Variants in CDH23 observed in about 807,000 individuals in gnomAD.
CDH23 encodes the protein cadherin related 23.
CDH23 carries 189 observed loss-of-function variants against 317.1 expected under a neutral mutation model. The ratio of observed to expected loss-of-function variants is 0.60; its 90% CI spans 0.53 to 0.67. CDH23 has a LOEUF of 0.67. CDH23 is among the 30% of genes least tolerant of loss of function. The pLI is 0.00. For synonymous variants in CDH23, 1,839 were observed against 1,876.8 expected, an observed-to-expected ratio of 0.98 and a Z score of 0.52; for missense variants, 4,401 against 4,592.4, an observed-to-expected ratio of 0.96 and a Z score of 1.20.
intron 8 of CDH23, among the ~76,000 whole-genome samples, chr10:71,571,248 C>G (rs1857784775): frequency 6.6e-6 from 1 of 152,236 alleles, no homozygotes; most frequent in South Asian, 2.1e-4. Flanking sequence ...AGAATGGACT[C>G]AGTCTGGCTC....
chr10:71,679,571 A>G lies in CDH23; in HGVS notation c.1858+79A>G, dbSNP rs3802716. The stretch of plus-strand genomic sequence containing the variant: ...CTGCACTCACACCTCCCTTGTGGGG[A>G]TGAGGCGGGCACTCCTTGTCTCCCT... On this transcript the variant is annotated intron_variant, in intron 17 of 69. Transcript: ENST00000224721. 0.051 allele frequency: 57,659 copies of G among 1,138,140 alleles called. 4,274 individuals are homozygous for G. Among genetic ancestry groups the G allele is most frequent in the East Asian group, 0.23 (9,056 of 38,908 alleles). 70.5% of individuals were successfully genotyped at this position (1,138,140 alleles called of 1,614,324 possible). A position where few individuals can be genotyped will look rare whatever the true frequency, so the allele number is the denominator to read the frequency against.
intron 6 of CDH23, among the ~76,000 whole-genome samples, chr10:71,551,196 C>T (rs1398007969): frequency 6.6e-6 from 1 of 152,204 alleles, no homozygotes; most frequent in East Asian, 1.9e-4. Context: ...AAAGTGTCGC[C>T]CAATTAATAT....
At chr10:71,611,780 T>C (rs113556849) in intron 9 of CDH23, among the ~76,000 whole-genome samples, 23 of 152,352 alleles carry the variant, frequency 1.5e-4, no homozygotes, top group Admixed American at 2.0e-4. Flanking sequence ...AGCGAGTACT[T>C]ACACTTTCAA....
chr10:71,407,586 A>C (rs1848152700), intron 1 of CDH23, among the ~76,000 whole-genome samples: 1 of 152,190 alleles, frequency 6.6e-6, no homozygotes, highest in Non-Finnish European at 1.5e-5. Context: ...TCTATAATTT[A>C]ACCCCAACCC....
intron 1 of CDH23, among the ~76,000 whole-genome samples, chr10:71,408,672 C>G (rs1226835154): frequency 1.3e-5 from 2 of 152,186 alleles, no homozygotes; most frequent in Non-Finnish European, 2.9e-5. Flanking sequence ...AACTGGAGCT[C>G]AGGCCGGAAG....
intron 3 of CDH23, among the ~76,000 whole-genome samples, chr10:71,483,859 C>G (rs541165324): frequency 6.6e-6 from 1 of 152,278 alleles, no homozygotes; most frequent in East Asian, 1.9e-4. Context: ...TCTGTGTTCA[C>G]TCTCCCCCCA....
intron 3 of CDH23, among the ~76,000 whole-genome samples, chr10:71,485,109 C>T (rs559435943): frequency 6.7e-6 from 1 of 149,990 alleles, no homozygotes; most frequent in Non-Finnish European, 1.5e-5. Flanking sequence ...TTACGGCAAC[C>T]TCCGCCTCCC....
intron 38 of CDH23, among the ~76,000 whole-genome samples, chr10:71,745,514 C>T (rs963582586): frequency 1.3e-5 from 2 of 152,146 alleles, no homozygotes; most frequent in African/African-American, 4.8e-5. Context: ...CAAGACCCCC[C>T]CTCTACTGCC....
intron 12 of CDH23, 52 bp from the exon 13 acceptor site, chr10:71,645,779 G>A: frequency 6.3e-7 from 1 of 1,599,766 alleles, no homozygotes; most frequent in African/African-American, 1.3e-5. Context: ...TTGGGTCTAG[G>A]CTTTGGCCAC....
In CDH23 at chr10:71,460,671, C is replaced by A. The variant is rs541722197; in HGVS notation, c.145+14276C>A. ...TCCGACAGGGCCCAGACACCCTGCTCGCCCCATCCATGAGCCAAGAATCAG... is the reference window on the plus strand; with the variant it reads ...TCCGACAGGGCCCAGACACCCTGCTAGCCCCATCCATGAGCCAAGAATCAG... On this transcript the variant is annotated intron_variant, in intron 3 of 69. Transcript: ENST00000224721. Among the ~76,000 whole-genome samples the A allele has an allele frequency of 3.3e-5, 5 of 152,324 alleles. No individual in the cohort carries two copies. In the East Asian group the frequency reaches 9.7e-4, roughly 29 times the overall value.
intron 6 of CDH23, among the ~76,000 whole-genome samples, chr10:71,551,386 A>C (rs1193809771): frequency 2.0e-5 from 3 of 152,144 alleles, no homozygotes; most frequent in Non-Finnish European, 4.4e-5. Flanking sequence ...CCCCGGGGCC[A>C]GGAGGAGAAG....
chr10:71,754,172 C>A (rs74756563), intron 38 of CDH23, among the ~76,000 whole-genome samples: 1,759 of 152,242 alleles, frequency 0.012, 33 homozygotes, highest in African/African-American at 0.04. Flanking sequence ...CAGCGTTGCT[C>A]TTCTGTTCCA....
intron 11 of CDH23, among the ~76,000 whole-genome samples, chr10:71,642,003 T>C (rs998917817): frequency 1.3e-5 from 2 of 152,070 alleles, no homozygotes; most frequent in Non-Finnish European, 2.9e-5. Flanking sequence ...GCCTGAGGTG[T>C]GAGAATCGCT....
intron 3 of CDH23, among the ~76,000 whole-genome samples, chr10:71,509,286 G>C (rs112493242): frequency 1.3e-5 from 2 of 152,218 alleles, no homozygotes; most frequent in African/African-American, 4.8e-5. Flanking sequence ...TTCTGAATTA[G>C]AGAAGGTGCT....
At chr10:71,715,675 G>A (rs746079595) in intron 28 of CDH23, 14 of 343,056 alleles carry the variant, frequency 4.1e-5, no homozygotes, top group Non-Finnish European at 6.9e-5. Flanking sequence ...CAAAGGCCCA[G>A]ATGACCACGA....
chr10:71,593,423 G>A (rs1167842104), intron 9 of CDH23, among the ~76,000 whole-genome samples: 1 of 152,190 alleles, frequency 6.6e-6, no homozygotes, highest in Non-Finnish European at 1.5e-5. Flanking sequence ...TAGTAGGAAA[G>A]GACTTCTCGG....
intron 6 of CDH23, among the ~76,000 whole-genome samples, chr10:71,540,617 G>T (rs1266139541): frequency 1.3e-5 from 2 of 152,066 alleles, no homozygotes; most frequent in African/African-American, 4.8e-5. Flanking sequence ...GGAAAAGAAG[G>T]CTCTGAGATG....
intron 3 of CDH23, among the ~76,000 whole-genome samples, chr10:71,505,537 G>C (rs1026475610): frequency 9.9e-5 from 15 of 152,204 alleles, no homozygotes; most frequent in African/African-American, 3.1e-4. Context: ...GCTGTGTTTA[G>C]GAGGAGCAGT....
intron 20 of CDH23, among the ~76,000 whole-genome samples, chr10:71,693,335 CAG>C: frequency 6.6e-6 from 1 of 151,770 alleles, no homozygotes; most frequent in African/African-American, 2.4e-5. Context: ...ACGCCACTAT[CAG>C]GGTGATGTTT....
Sources: allele counts gnomAD v4.1 joint callset (sites outside exome capture counted in the v4.1 genomes callset), GRCh38; gene constraint gnomAD v4.1.1; transcripts MANE v1.5; gene names NCBI Gene and HGNC (gene_info 2026-07-23, HGNC 2026-07-21).